The following FAM227B variants were observed in gnomAD, a reference collection of about 807,000 sequenced individuals.
The protein encoded by FAM227B is protein FAM227B.
Under a neutral mutation model 73.8 loss-of-function variants are expected in FAM227B, and 88 were observed. That is an observed-to-expected ratio of 1.19 (90% CI 1.00 to 1.42). The LOEUF (loss-of-function observed/expected upper bound fraction) is 1.42, where lower values mean the gene tolerates loss of function less well. Ranked by LOEUF, FAM227B falls within the 40% of genes most tolerant of loss-of-function variation. The pLI is 0.00. For synonymous variants in FAM227B, 210 were observed against 190.5 expected (o/e 1.10, Z -0.84); for missense variants, 632 against 590.9 (o/e 1.07, Z -0.72).
intron 15 of FAM227B, 76 bp from the exon 16 acceptor site, chr15:49,328,751 C>G: frequency 6.7e-7 from 1 of 1,488,630 alleles, no homozygotes; most frequent in Non-Finnish European, 9.0e-7. Flanking sequence ...TGTGAGATTT[C>G]TCCAGTTATC....
intron 3 of FAM227B, among the ~76,000 whole-genome samples, chr15:49,609,794 A>G (rs2077766403): frequency 6.6e-6 from 1 of 152,010 alleles, no homozygotes; most frequent in Non-Finnish European, 1.5e-5. Flanking sequence ...AAACCATAAA[A>G]AATAACTACA....
At chr15:49,542,146 T>C (rs1035174204) in intron 9 of FAM227B, among the ~76,000 whole-genome samples, 5 of 152,176 alleles carry the variant, frequency 3.3e-5, no homozygotes, top group African/African-American at 1.2e-4. Context: ...ACTTTTATTT[T>C]ATATTCAAGG....
At chr15:49,615,746 G>C (rs954965594) in intron 1 of FAM227B, among the ~76,000 whole-genome samples, 1 of 152,154 alleles carries the variant, frequency 6.6e-6, no homozygotes, top group Non-Finnish European at 1.5e-5. Context: ...CAGCAGGGGA[G>C]GAAGGGCTGG....
At position 49,522,029 on chromosome 15, in the gene FAM227B, C is replaced by G. The variant is rs911212600; in HGVS notation, c.875-13681G>C. Among the ~76,000 whole-genome samples, 4 of 152,142 alleles carry G rather than the reference C, an allele frequency of 2.6e-5. No homozygotes were observed. In the East Asian group the frequency reaches 5.8e-4, roughly 22 times the overall value. On this transcript the variant is annotated intron_variant, in intron 10 of 15. Transcript: ENST00000299338. ...CTGAACTGCACCACCAAATAACCTG[C>G]TGAAGCACACCATGCTAGGGCAGGA...
At chr15:49,503,535 G>A (rs1242339624) in intron 11 of FAM227B, among the ~76,000 whole-genome samples, 1 of 152,066 alleles carries the variant, frequency 6.6e-6, no homozygotes, top group Non-Finnish European at 1.5e-5. Flanking sequence ...ATCTGACAAA[G>A]GGCTAATATC....
chr15:49,558,280 A>G (rs572784165), intron 9 of FAM227B, among the ~76,000 whole-genome samples: 28 of 152,220 alleles, frequency 1.8e-4, no homozygotes, highest in Non-Finnish European at 2.8e-4. Context: ...GGATCCACCT[A>G]AACACCTGTT....
At chr15:49,493,752 T>C (rs1376913854) in intron 11 of FAM227B, among the ~76,000 whole-genome samples, 2 of 151,946 alleles carry the variant, frequency 1.3e-5, no homozygotes, top group African/African-American at 2.4e-5. Flanking sequence ...TGTGTCTATC[T>C]ATCCATCCAC....
intron 1 of FAM227B, 136 bp downstream of exon 1, chr15:49,620,564 T>A (rs2078639544): frequency 6.6e-6 from 1 of 152,194 alleles, no homozygotes; most frequent in South Asian, 2.1e-4. Flanking sequence ...TAGCTTTCAT[T>A]ACCACACAGC....
chr15:49,518,319 T>G (rs964065616), intron 10 of FAM227B, among the ~76,000 whole-genome samples: 1 of 152,142 alleles, frequency 6.6e-6, no homozygotes, highest in South Asian at 2.1e-4. Context: ...CTGCCTATGG[T>G]GGTTGAATGC....
intron 11 of FAM227B, among the ~76,000 whole-genome samples, chr15:49,395,364 T>G (rs2047506364): frequency 6.6e-6 from 1 of 152,082 alleles, no homozygotes; most frequent in Non-Finnish European, 1.5e-5. Flanking sequence ...GAGAAAAAAG[T>G]AGAGATATTA....
intron 13 of FAM227B, among the ~76,000 whole-genome samples, chr15:49,348,635 C>G (rs1243976345): frequency 6.6e-6 from 1 of 152,152 alleles, no homozygotes; most frequent in African/African-American, 2.4e-5. Context: ...GTTTTGTTTA[C>G]TTTCTCCTTT....
chr15:49,411,319 G>A (rs1453060656), intron 11 of FAM227B, among the ~76,000 whole-genome samples: 1 of 151,752 alleles, frequency 6.6e-6, no homozygotes, highest in African/African-American at 2.4e-5. Context: ...ATTGTTGAAA[G>A]AAAAAAAGTC....
chr15:49,331,300 A>AAG (rs1439682099), intron 15 of FAM227B: 1 of 154,642 alleles, frequency 6.5e-6, no homozygotes, highest in African/African-American at 2.4e-5. Context: ...AGAGAAGCAA[A>AAG]AGAGAAGATG....
At chr15:49,540,213 G>T (rs761265218) in intron 10 of FAM227B, among the ~76,000 whole-genome samples, 1 of 152,176 alleles carries the variant, frequency 6.6e-6, no homozygotes, top group Non-Finnish European at 1.5e-5. Flanking sequence ...CAGGGAGTGT[G>T]TGGCTGCCTC....
intron 11 of FAM227B, among the ~76,000 whole-genome samples, chr15:49,435,303 G>C (rs1390364997): frequency 6.6e-6 from 1 of 151,408 alleles, no homozygotes; most frequent in Non-Finnish European, 1.5e-5. Flanking sequence ...AAATAATTTT[G>C]AGTCATATGT....
intron 2 of FAM227B, 76 bp from the exon 3 acceptor site, chr15:49,611,344 T>A: frequency 1.4e-6 from 1 of 730,832 alleles, no homozygotes; most frequent in Non-Finnish European, 2.3e-6. Context: ...ATAATTTACT[T>A]AAATAAAATG....
At chr15:49,576,098 C>G (rs1860211313) in intron 7 of FAM227B, 3 of 152,126 alleles carry the variant, frequency 2.0e-5, no homozygotes, top group African/African-American at 7.2e-5. Context: ...TCATAGGCCA[C>G]TAAGTATAGT....
intron 11 of FAM227B, among the ~76,000 whole-genome samples, chr15:49,382,366 G>A (rs12900001): frequency 0.81 from 122,734 of 152,024 alleles, 50,425 homozygotes; most frequent in African/African-American, 0.94. Flanking sequence ...CAAATGTGAC[G>A]TTCCTAATCA....
chr15:49,352,941 T>A (rs1255792973), intron 13 of FAM227B, among the ~76,000 whole-genome samples: 2 of 152,200 alleles, frequency 1.3e-5, no homozygotes, highest in Non-Finnish European at 1.5e-5. Context: ...CTGCAGTGTA[T>A]TAAACTTAGC....
Sources: allele counts gnomAD v4.1 joint callset (sites outside exome capture counted in the v4.1 genomes callset), GRCh38; gene constraint gnomAD v4.1.1; transcripts MANE v1.5; gene names NCBI Gene and HGNC (gene_info 2026-07-23, HGNC 2026-07-21).